Variants in COL14A1 observed in about 807,000 individuals in gnomAD.
COL14A1 encodes the protein collagen alpha-1(XIV) chain.
A neutral mutation model predicts 230.3 loss-of-function variants in COL14A1; 136 were observed. That is an observed-to-expected ratio of 0.59 (90% confidence interval 0.51 to 0.68). The LOEUF (loss-of-function observed/expected upper bound fraction) is 0.68. COL14A1 is among the 30% of genes least tolerant of loss of function. The probability of loss-of-function intolerance (pLI) is 0.00; values close to 1 mark genes in which losing one functional copy is unlikely to be tolerated. For synonymous variants in COL14A1, 792 were observed against 784.1 expected (o/e 1.01, Z -0.17); for missense variants, 1,976 against 2,215.8 (o/e 0.89, Z 2.17).
chr8:120,237,244 A>G (rs1279797994), intron 19 of COL14A1, among the ~76,000 whole-genome samples: 3 of 152,184 alleles, frequency 2.0e-5, no homozygotes, highest in Non-Finnish European at 4.4e-5. Context: ...TTTCAGGTAT[A>G]CCAATCAAAC....
chr8:120,127,312 T>G (rs1387652026), intron 1 of COL14A1, among the ~76,000 whole-genome samples: 1 of 152,202 alleles, frequency 6.6e-6, no homozygotes, highest in Non-Finnish European at 1.5e-5. Context: ...AGGATAGACC[T>G]GAACCTCCAC....
chr8:120,271,082 A>G (rs1156356427), intron 26 of COL14A1, among the ~76,000 whole-genome samples: 1 of 151,848 alleles, frequency 6.6e-6, no homozygotes, highest in Non-Finnish European at 1.5e-5. Context: ...AGCAACATGG[A>G]TGAAGCTAGA....
Position 120,281,000 on chromosome 8 carries a change from C to T in COL14A1, c.3765C>T (p.Thr1255=). 3 of 1,612,220 alleles carry T rather than the reference C, an allele frequency of 1.9e-6. No individual in the cohort carries two copies. Among genetic ancestry groups the T allele is most frequent in the Non-Finnish European group, 2.5e-6 (3 of 1,179,348 alleles). The stretch of plus-strand genomic sequence containing the variant: ...AAGGGGTTTCTATGGAGCCTGGTAC[C>T]TTCAATGTGTTTCCATGTTACCAAC... The part of the protein sequence containing the change: ...SVEGVSMEPG[T]FNVFPCYQLH... The change falls in exon 31 of 48, where the codon ACC becomes ACT. Residue 1255 remains threonine, a synonymous_variant. Coordinates refer to ENST00000297848, the MANE Select transcript of COL14A1 (RefSeq NM_021110.4).
At chr8:120,134,127 C>A (rs1814634324) in intron 1 of COL14A1, among the ~76,000 whole-genome samples, 2 of 151,964 alleles carry the variant, frequency 1.3e-5, no homozygotes, top group African/African-American at 2.4e-5. Flanking sequence ...AGAATATATT[C>A]TTTTTTGATG....
chr8:120,355,797 A>G (rs1055116252), intron 45 of COL14A1, among the ~76,000 whole-genome samples: 5 of 152,224 alleles, frequency 3.3e-5, no homozygotes, highest in African/African-American at 1.2e-4. Flanking sequence ...CCATCTGATC[A>G]TCTAACTAAC....
In COL14A1 at chr8:120,359,725, C is replaced by T. The variant is rs183346031; in HGVS notation, c.5078-7446C>T. On this transcript the variant is annotated intron_variant, in intron 45 of 47. Coordinates refer to ENST00000297848, the MANE Select transcript of COL14A1 (RefSeq NM_021110.4). ...TGTACCAGTGAGGTCATAGTGTCAG[C>T]GGCAAAACTGGGTGAACAAAAAGCC... 3.2e-3 allele frequency among the ~76,000 whole-genome samples: 486 copies of T among 152,222 alleles called. 2 individuals carry two copies. The highest frequency in any genetic ancestry group is 0.011 in the African/African-American group (468 of 41,528).
chr8:120,141,966 C>T (rs1814929610), intron 1 of COL14A1, among the ~76,000 whole-genome samples: 1 of 152,140 alleles, frequency 6.6e-6, no homozygotes, highest in Non-Finnish European at 1.5e-5. Context: ...CTCTTGGGCT[C>T]AAGCGATCTT....
At chr8:120,151,538 G>T (rs983319059) in intron 2 of COL14A1, among the ~76,000 whole-genome samples, 2 of 150,758 alleles carry the variant, frequency 1.3e-5, no homozygotes, top group African/African-American at 4.9e-5. Context: ...TGCTCAGGAG[G>T]CTGAGGCACG....
At chr8:120,186,171 G>C (rs1272736055) in intron 5 of COL14A1, among the ~76,000 whole-genome samples, 1 of 152,184 alleles carries the variant, frequency 6.6e-6, no homozygotes, top group Non-Finnish European at 1.5e-5. Context: ...CTTTCAGAAT[G>C]AAAGTTTCTC....
intron 45 of COL14A1, among the ~76,000 whole-genome samples, chr8:120,358,404 A>G (rs1401769936): frequency 3.9e-5 from 6 of 152,172 alleles, no homozygotes; most frequent in Admixed American, 3.9e-4. Context: ...TAGTTATTTC[A>G]TAAGTCATAA....
At chr8:120,174,629 G>A (rs924661467) in intron 5 of COL14A1, among the ~76,000 whole-genome samples, 7 of 152,082 alleles carry the variant, frequency 4.6e-5, no homozygotes, top group African/African-American at 1.7e-4. Flanking sequence ...CCACTTTCAG[G>A]CAGGCACTAT....
intron 26 of COL14A1, among the ~76,000 whole-genome samples, chr8:120,273,671 A>C (rs887728400): frequency 6.6e-6 from 1 of 151,736 alleles, no homozygotes; most frequent in South Asian, 2.1e-4. Flanking sequence ...ACCTCTATAC[A>C]TAGAAACTAC....
chr8:120,203,590 A>G (rs763030222), intron 8 of COL14A1, 119 bp from the exon 9 acceptor site: 17 of 667,776 alleles, frequency 2.5e-5, no homozygotes, highest in Non-Finnish European at 3.8e-5. Flanking sequence ...ATATACAAGT[A>G]GCAGATGATG....
rs1049921682 is a variant in COL14A1 at position 120,284,940 on chromosome 8, TA to T, written c.3968-912del. Among the ~76,000 whole-genome samples the T allele has an allele frequency of 4.0e-4, 61 of 152,198 alleles. 1 individual carries two copies. The highest frequency in any genetic ancestry group is 4.2e-4 in the South Asian group (2 of 4,816). On this transcript the variant is annotated intron_variant, in intron 32 of 47. Coordinates refer to ENST00000297848, the MANE Select transcript of COL14A1 (RefSeq NM_021110.4). ...CTATTTGCTATTGAACAAAGGCATT[TA>T]AAAAAAAATTCCATAGGGCTTTGGA... is the stretch of plus-strand genomic sequence containing the variant.
chr8:120,147,029 C>G lies in COL14A1; in HGVS notation c.-37-777C>G, dbSNP rs910510096. On this transcript the variant is annotated intron_variant, in intron 1 of 47. Coordinates refer to ENST00000297848, the MANE Select transcript of COL14A1 (RefSeq NM_021110.4). ...TCCAATTCTGCCTCTCTCCCTTTCT[C>G]CCTCCTTCTTTCCTTTCCCTTTCTT... Among the ~76,000 whole-genome samples, 5 of 151,520 alleles carry G rather than the reference C, an allele frequency of 3.3e-5. No individual in the cohort carries two copies. In the South Asian group the frequency reaches 1.0e-3, roughly 32 times the overall value.
At chr8:120,267,714 G>A (rs775178268) in intron 25 of COL14A1, among the ~76,000 whole-genome samples, 7 of 151,876 alleles carry the variant, frequency 4.6e-5, no homozygotes, top group Non-Finnish European at 1.0e-4. Context: ...AGTGTGGCAA[G>A]AAAGAGAAAA....
intron 18 of COL14A1, among the ~76,000 whole-genome samples, chr8:120,229,261 C>T (rs950862060): frequency 9.3e-6 from 1 of 107,072 alleles, no homozygotes; most frequent in African/African-American, 3.5e-5. Context: ...TCCCTCCCCC[C>T]TCCCCCCACC....
chr8:120,196,920 A>G lies in COL14A1; in HGVS notation c.566A>G (p.Asp189Gly), dbSNP rs115892986. The change falls in exon 6 of 48, where the codon GAT becomes GGT. Residue 189 changes from aspartate to glycine, a missense_variant. By Grantham distance (94) the Asp-to-Gly change is moderately conservative. This residue lies in a region of COL14A1 where 1,791 missense variants were observed against 2,019.5 expected (regional missense o/e 0.89). Transcript: ENST00000297848. ...HFLENLVTAF[D>G]VGSEKTRIGL... is the part of the protein sequence containing the mutation. ...TTGGAAAACCTGGTTACAGCATTCG[A>G]TGTGGGCTCAGAGAAGACACGAATT... 912 of 1,613,986 alleles carry G rather than the reference A, an allele frequency of 5.7e-4. No individual in the cohort carries two copies. Among genetic ancestry groups the G allele is most frequent in the Non-Finnish European group, 6.6e-4 (778 of 1,179,972 alleles).
chr8:120,234,070 T>C (rs1005602238), intron 19 of COL14A1, among the ~76,000 whole-genome samples: 1 of 151,670 alleles, frequency 6.6e-6, no homozygotes, highest in African/African-American at 2.4e-5. Context: ...TTTTATTCCC[T>C]TTGTAGCAAT....
Sources: allele counts gnomAD v4.1 joint callset (sites outside exome capture counted in the v4.1 genomes callset), GRCh38; gene constraint gnomAD v4.1.1; regional missense constraint gnomAD v4.1.1; transcripts MANE v1.5; gene names NCBI Gene and HGNC (gene_info 2026-07-23, HGNC 2026-07-21).